The following ABHD12B variants were observed in gnomAD, a reference collection of about 807,000 sequenced individuals.
ABHD12B encodes the protein protein ABHD12B.
ABHD12B carries 42 observed loss-of-function variants against 50.4 expected under a neutral mutation model. That is an observed-to-expected ratio of 0.83 (90% CI 0.65 to 1.08). The LOEUF is 1.08. ABHD12B is among the 50% of genes least tolerant of loss of function. The pLI, the probability that ABHD12B is intolerant of heterozygous loss-of-function variation, is 0.00. For synonymous variants in ABHD12B, 167 were observed against 160.3 expected, an observed-to-expected ratio of 1.04 and a Z score of -0.32; for missense variants, 479 against 447.7, an observed-to-expected ratio of 1.07 and a Z score of -0.63.
At chr14:50,902,863 G>C (rs1340998655) in intron 10 of ABHD12B, among the ~76,000 whole-genome samples, 1 of 152,108 alleles carries the variant, frequency 6.6e-6, no homozygotes, top group East Asian at 1.9e-4. Context: ...GCAAACTAGG[G>C]GGTTGACCAG....
intron 9 of ABHD12B, chr14:50,892,230 T>C (rs2050129208): frequency 6.3e-6 from 1 of 159,272 alleles, no homozygotes; most frequent in African/African-American, 2.4e-5. Context: ...TTTTGTTTAG[T>C]TTCAGTTTTA....
chr14:50,873,206 TTCTC>T (rs555850214), intron 1 of ABHD12B, among the ~76,000 whole-genome samples: 127 of 151,346 alleles, frequency 8.4e-4, no homozygotes, highest in East Asian at 1.6e-3. Context: ...CGGGGATCTT[TTCTC>T]TCTCTCTCTC....
chr14:50,894,086 A>C (rs2050158642), intron 9 of ABHD12B, among the ~76,000 whole-genome samples: 1 of 150,286 alleles, frequency 6.7e-6, no homozygotes, highest in Admixed American at 6.6e-5. Context: ...TTTTCTGGGG[A>C]AGGGGCAAGT....
chr14:50,894,879 A>G (rs901935804), intron 9 of ABHD12B, among the ~76,000 whole-genome samples: 1 of 148,294 alleles, frequency 6.7e-6, no homozygotes, highest in Non-Finnish European at 1.5e-5. Flanking sequence ...CTAGGCCTCA[A>G]TTCTTCCTCA....
intron 5 of ABHD12B, among the ~76,000 whole-genome samples, chr14:50,882,244 T>C (rs183933616): frequency 5.3e-5 from 8 of 151,778 alleles, no homozygotes; most frequent in East Asian, 1.9e-4. Flanking sequence ...CTGACGTTTT[T>C]ATTTGCTTTC....
At chr14:50,873,644 T>C (rs1002785783) in intron 1 of ABHD12B, among the ~76,000 whole-genome samples, 10 of 152,220 alleles carry the variant, frequency 6.6e-5, no homozygotes, top group Admixed American at 1.3e-4. Context: ...AATGTCCTGA[T>C]TGCACTTGTC....
intron 11 of ABHD12B, 101 bp from the exon 12 acceptor site, chr14:50,903,973 C>A: frequency 1.1e-6 from 1 of 938,310 alleles, no homozygotes; most frequent in Non-Finnish European, 1.7e-6. Context: ...ATGGAACAAA[C>A]TCCCCAAGTT....
At chr14:50,883,360 C>G (rs79650644) in intron 5 of ABHD12B, among the ~76,000 whole-genome samples, 1,615 of 152,300 alleles carry the variant, frequency 0.011, 27 homozygotes, top group African/African-American at 0.036. Flanking sequence ...TCTTCATCCT[C>G]TCTTCCCTGT....
intron 8 of ABHD12B, among the ~76,000 whole-genome samples, chr14:50,888,494 G>T (rs1340535785): frequency 6.6e-6 from 1 of 152,008 alleles, no homozygotes; most frequent in African/African-American, 2.4e-5. Flanking sequence ...GAGCCACCGT[G>T]CCTGGCCTTG....
At chr14:50,901,684 T>C (rs12889552) in intron 9 of ABHD12B, 145 bp from the exon 10 acceptor site, 54,509 of 432,914 alleles carry the variant, frequency 0.13, 4,257 homozygotes, top group Non-Finnish European at 0.16. Flanking sequence ...TGCATTACTT[T>C]TTAAATCGTA....
Position 50,886,698 on chromosome 14 carries a change from CTT to C in ABHD12B, c.700+15_700+16del, listed in dbSNP as rs1261095826. Reference sequence around the variant, plus strand: ...TAGAAGAAAAAGGTAATATAAAATGCTTAAGTGGTATAATTTCCCATCTTCAG... The same window carrying C: ...TAGAAGAAAAAGGTAATATAAAATGCAAGTGGTATAATTTCCCATCTTCAG... On this transcript the variant is annotated intron_variant, in intron 8 of 12. Transcript: ENST00000337334. 3 of 1,602,852 alleles carry C rather than the reference CTT, an allele frequency of 1.9e-6. No individual in the cohort carries two copies. The African/African-American group carries it at 4.0e-5, about 21-fold the overall frequency.
chr14:50,872,341 C>A, intron 1 of ABHD12B, 63 bp downstream of exon 1: 2 of 1,145,570 alleles, frequency 1.7e-6, no homozygotes, highest in South Asian at 3.7e-5. Context: ...GGGGATGGGG[C>A]AGGGGGCCAG....
chr14:50,903,562 C>T, intron 11 of ABHD12B, 95 bp downstream of exon 11: 2 of 1,004,202 alleles, frequency 2.0e-6, no homozygotes, highest in Non-Finnish European at 3.0e-6. Context: ...AAAGGAGGGT[C>T]TCTGACATTA....
chr14:50,894,841 T>A (rs2050172794), intron 9 of ABHD12B, among the ~76,000 whole-genome samples: 1 of 148,342 alleles, frequency 6.7e-6, no homozygotes, highest in Non-Finnish European at 1.5e-5. Flanking sequence ...CAGACCCGTC[T>A]GACCTCTCCC....
Position 50,878,555 on chromosome 14 carries a change from G to C in ABHD12B, c.233-190G>C, listed in dbSNP as rs750909065. 2.0e-5 allele frequency among the ~76,000 whole-genome samples: 3 copies of C among 152,124 alleles called. No homozygotes were observed. In the East Asian group the frequency reaches 5.8e-4, roughly 29 times the overall value. ...ATGCTATTTTAAAATCTAGCTTTTA[G>C]GTTTTTGTTTTTTGCCCCTCCTCTG... On this transcript the variant is annotated intron_variant, in intron 2 of 12. Transcript: ENST00000337334.
chr14:50,877,330 T>G (rs375656489), intron 1 of ABHD12B, among the ~76,000 whole-genome samples: 184 of 152,362 alleles, frequency 1.2e-3, no homozygotes, highest in African/African-American at 3.0e-3. Flanking sequence ...AATTAAAAAC[T>G]GCAGCAACTG....
chr14:50,892,338 G>C, intron 9 of ABHD12B: 1 of 856,002 alleles, frequency 1.2e-6, no homozygotes, highest in Non-Finnish European at 1.4e-6. Context: ...AGGGAATGAG[G>C]GTAGTAGCAC....
chr14:50,886,943 T>A (rs924387271), intron 8 of ABHD12B, among the ~76,000 whole-genome samples: 1 of 151,938 alleles, frequency 6.6e-6, no homozygotes. Flanking sequence ...TTGGCCGATG[T>A]GGTGGCTCAC....
At chr14:50,894,593 C>G (rs1218773951) in intron 9 of ABHD12B, among the ~76,000 whole-genome samples, 1 of 152,106 alleles carries the variant, frequency 6.6e-6, no homozygotes, top group Non-Finnish European at 1.5e-5. Flanking sequence ...GACAGTAGTT[C>G]CAAATAGCCA....
Sources: gnomAD v4.1 joint callset for allele counts (sites outside exome capture counted in the v4.1 genomes callset) on GRCh38, gnomAD v4.1.1 for gene constraint, MANE v1.5 for transcripts, NCBI Gene and HGNC (gene_info 2026-07-23, HGNC 2026-07-21) for gene names.